NRG3: variants seen among roughly 807,000 people sequenced by gnomAD.
NRG3 encodes neuregulin 3, also known as pro-neuregulin-3, membrane-bound isoform.
NRG3 carries 31 observed loss-of-function variants against 66.9 expected under a neutral mutation model. That is an observed-to-expected ratio of 0.46 (90% CI 0.35 to 0.63). The LOEUF (loss-of-function observed/expected upper bound fraction) is 0.63, where lower values mean the gene tolerates loss of function less well. NRG3 is among the 20% of genes least tolerant of loss of function. The pLI, the probability that NRG3 is intolerant of heterozygous loss-of-function variation, is 0.00. For missense variants in NRG3, 910 were observed against 878.9 expected (o/e 1.04, Z -0.45); for synonymous variants, 393 against 359.4 (o/e 1.09, Z -1.06).
intron 3 of NRG3, among the ~76,000 whole-genome samples, chr10:82,759,069 G>A (rs2059196263): frequency 6.6e-6 from 1 of 152,032 alleles, no homozygotes; most frequent in Non-Finnish European, 1.5e-5. Context: ...AGATGTTTGG[G>A]CCATGGGGGC....
At chr10:82,368,703 T>C (rs2084695310) in intron 2 of NRG3, among the ~76,000 whole-genome samples, 1 of 138,338 alleles carries the variant, frequency 7.2e-6, no homozygotes, top group Non-Finnish European at 1.5e-5. Flanking sequence ...ATGCAATATT[T>C]TGTATCCCAG....
chr10:82,516,624 A>T (rs1845688699), intron 2 of NRG3, among the ~76,000 whole-genome samples: 1 of 152,180 alleles, frequency 6.6e-6, no homozygotes, highest in Non-Finnish European at 1.5e-5. Flanking sequence ...TGTATTATTC[A>T]TGGTCTTTGA....
At chr10:82,266,666 G>A (rs560660027) in intron 1 of NRG3, among the ~76,000 whole-genome samples, 1 of 152,290 alleles carries the variant, frequency 6.6e-6, no homozygotes, top group Non-Finnish European at 1.5e-5. Context: ...GTAAGCAGGA[G>A]AGAATGTTCT....
Position 82,521,865 on chromosome 10 carries a change from A to T in NRG3, c.953+162997A>T, listed in dbSNP as rs950332313. ...GTTGTCACTTCAACAATGGTCACAG[A>T]GTCTTCACCAGATGAAGAAACCACT... On this transcript the variant is annotated intron_variant, in intron 2 of 8. Coordinates refer to ENST00000372141, the MANE Select transcript of NRG3 (RefSeq NM_001010848.4). Among the ~76,000 whole-genome samples, 7 of 152,218 alleles carry T rather than the reference A, an allele frequency of 4.6e-5. No homozygotes were observed. The East Asian group carries it at 1.2e-3, about 25-fold the overall frequency.
chr10:82,349,320 T>G lies in NRG3; in HGVS notation c.824-9419T>G, dbSNP rs1247387996. On this transcript the variant is annotated intron_variant, in intron 1 of 8. Transcript: ENST00000372141. ...CAGCTGCAGGTCTGTTGGAATACCCTGCCTTGTGAGATGTCAGTGTGCCCC... is the reference window on the plus strand; with the variant it reads ...CAGCTGCAGGTCTGTTGGAATACCCGGCCTTGTGAGATGTCAGTGTGCCCC... Among the ~76,000 whole-genome samples the G allele has an allele frequency of 7.2e-5, 11 of 152,172 alleles. No homozygotes were observed. The East Asian group carries it at 1.9e-3, about 27-fold the overall frequency.
chr10:82,538,543 T>C (rs1565043395), intron 2 of NRG3, among the ~76,000 whole-genome samples: 2 of 152,132 alleles, frequency 1.3e-5, no homozygotes, highest in Non-Finnish European at 2.9e-5. Flanking sequence ...TCAGTTTTTT[T>C]GTGTGTGTAG....
chr10:81,893,778 CTGT>C (rs1843250877), intron 1 of NRG3, among the ~76,000 whole-genome samples: 1 of 152,132 alleles, frequency 6.6e-6, no homozygotes, highest in Admixed American at 6.6e-5. Flanking sequence ...GCTAGTGAGC[CTGT>C]TCTGTCTTCA....
intron 1 of NRG3, among the ~76,000 whole-genome samples, chr10:81,926,188 G>T (rs1846759130): frequency 6.6e-6 from 1 of 152,074 alleles, no homozygotes; most frequent in Non-Finnish European, 1.5e-5. Context: ...CACAATCTCG[G>T]CTCACTGCAA....
chr10:82,526,966 T>C (rs1015986692), intron 2 of NRG3, among the ~76,000 whole-genome samples: 1 of 152,172 alleles, frequency 6.6e-6, no homozygotes, highest in East Asian at 1.9e-4. Flanking sequence ...TTGGATAATA[T>C]CTATTGATAG....
intron 1 of NRG3, among the ~76,000 whole-genome samples, chr10:81,909,879 A>G (rs1844955928): frequency 1.3e-5 from 2 of 152,218 alleles, no homozygotes; most frequent in African/African-American, 2.4e-5. Flanking sequence ...GTCCATGTTC[A>G]GGATCATCTT....
chr10:81,938,455 G>A (rs1564673944), intron 1 of NRG3, among the ~76,000 whole-genome samples: 1 of 150,728 alleles, frequency 6.6e-6, no homozygotes, highest in Non-Finnish European at 1.5e-5. Flanking sequence ...CCCTGGTTAA[G>A]TTTCTTTTCA....
At chr10:82,927,765 C>G (rs1847156464) in intron 4 of NRG3, among the ~76,000 whole-genome samples, 1 of 152,126 alleles carries the variant, frequency 6.6e-6, no homozygotes, top group African/African-American at 2.4e-5. Flanking sequence ...TGGGTTTGTT[C>G]CAAGTCTTTG....
chr10:82,708,960 T>C (rs935996578), intron 2 of NRG3, among the ~76,000 whole-genome samples: 6 of 152,122 alleles, frequency 3.9e-5, no homozygotes, highest in Non-Finnish European at 5.9e-5. Flanking sequence ...TCGTAACCCC[T>C]GAGCAGCCAC....
At chr10:81,950,552 G>A (rs1321918565) in intron 1 of NRG3, among the ~76,000 whole-genome samples, 2 of 152,114 alleles carry the variant, frequency 1.3e-5, no homozygotes, top group African/African-American at 2.4e-5. Context: ...AAATGATGCC[G>A]CTGCTGAAGT....
intron 1 of NRG3, among the ~76,000 whole-genome samples, chr10:82,259,881 A>T (rs562201014): frequency 6.6e-6 from 1 of 152,252 alleles, no homozygotes; most frequent in South Asian, 2.1e-4. Flanking sequence ...ACCATGAGAT[A>T]TAATTACACC....
intron 1 of NRG3, among the ~76,000 whole-genome samples, chr10:82,180,783 C>A (rs2133221537): frequency 6.6e-6 from 1 of 151,944 alleles, no homozygotes; most frequent in East Asian, 1.9e-4. Flanking sequence ...GGCCCCTCAA[C>A]CACTTCTCAA....
intron 1 of NRG3, among the ~76,000 whole-genome samples, chr10:82,142,609 A>G (rs950504917): frequency 1.6e-4 from 25 of 152,148 alleles, no homozygotes; most frequent in Admixed American, 9.2e-4. Context: ...TTCAGGAAAC[A>G]TAGCAAAGCA....
At chr10:82,304,994 T>TC (rs1564772927) in intron 1 of NRG3, among the ~76,000 whole-genome samples, 10 of 127,408 alleles carry the variant, frequency 7.8e-5, no homozygotes, top group South Asian at 2.8e-4. Flanking sequence ...TTTTTTTTTT[T>TC]TTTTTTTTTT....
intron 4 of NRG3, among the ~76,000 whole-genome samples, chr10:82,877,039 A>AT (rs200567348): frequency 6.6e-6 from 1 of 151,860 alleles, no homozygotes; most frequent in African/African-American, 2.4e-5. Context: ...AAAAAAAAAA[A>AT]GAAAGAAAGT....
Sources: allele counts gnomAD v4.1 joint callset (sites outside exome capture counted in the v4.1 genomes callset), GRCh38; gene constraint gnomAD v4.1.1; transcripts MANE v1.5; gene names NCBI Gene and HGNC (gene_info 2026-07-23, HGNC 2026-07-21).